The following MAGI1 variants were observed in gnomAD, a reference collection of about 807,000 sequenced individuals.
MAGI1 encodes membrane associated guanylate kinase, WW and PDZ domain containing 1.
Under a neutral mutation model 139.9 loss-of-function variants are expected in MAGI1, and 58 were observed. The ratio of observed to expected loss-of-function variants is 0.41; its 90% CI spans 0.34 to 0.52. MAGI1 has a LOEUF of 0.52. Ranked by LOEUF, MAGI1 falls within the 20% of genes least tolerant of loss-of-function variation. The pLI, the probability that MAGI1 is intolerant of heterozygous loss-of-function variation, is 0.12. For synonymous variants in MAGI1, 812 were observed against 737.9 expected (o/e 1.10, Z -1.63); for missense variants, 1,874 against 1,901.6 (o/e 0.99, Z 0.27).
At chr3:65,367,328 G>A (rs1941527255) in intron 18 of MAGI1, among the ~76,000 whole-genome samples, 1 of 152,132 alleles carries the variant, frequency 6.6e-6, no homozygotes, top group African/African-American at 2.4e-5. Flanking sequence ...ATAATTTGAT[G>A]AGATAATCAC....
At chr3:65,606,373 C>G (rs1211097953) in intron 2 of MAGI1, among the ~76,000 whole-genome samples, 1 of 152,082 alleles carries the variant, frequency 6.6e-6, no homozygotes, top group African/African-American at 2.4e-5. Flanking sequence ...CAGGATCTTG[C>G]TCTGTCACCC....
rs1346624140 is a variant in MAGI1, at chr3:65,647,787, A to G, written c.314-25699T>C. On this transcript the variant is annotated intron_variant, in intron 1 of 22. Coordinates refer to ENST00000402939, the MANE Select transcript of MAGI1 (RefSeq NM_001033057.2). Reference sequence around the variant, plus strand: ...ATTAAAAAAGAAAAGAAAGAAAACTACAAATAGAGGTATCTTGCTGGTAAA... The same window carrying G: ...ATTAAAAAAGAAAAGAAAGAAAACTGCAAATAGAGGTATCTTGCTGGTAAA... 5.3e-5 allele frequency among the ~76,000 whole-genome samples: 8 copies of G among 152,334 alleles called. No homozygotes were observed. The East Asian group carries it at 1.4e-3, about 26-fold the overall frequency.
At chr3:65,649,250 T>G (rs1007226120) in intron 1 of MAGI1, among the ~76,000 whole-genome samples, 8 of 151,984 alleles carry the variant, frequency 5.3e-5, no homozygotes, top group African/African-American at 1.9e-4. Context: ...GGTGGAGTGG[T>G]GTGCACCTGT....
At chr3:65,842,396 T>C (rs975505922) in intron 1 of MAGI1, among the ~76,000 whole-genome samples, 1 of 151,736 alleles carries the variant, frequency 6.6e-6, no homozygotes, top group Non-Finnish European at 1.5e-5. Context: ...GTTTCGCTCT[T>C]GTTGCCCAGG....
intron 1 of MAGI1, among the ~76,000 whole-genome samples, chr3:65,801,739 T>A (rs1287936609): frequency 2.0e-5 from 3 of 152,176 alleles, no homozygotes; most frequent in Non-Finnish European, 4.4e-5. Flanking sequence ...ATCTGTTGGG[T>A]AAGAAAATGC....
chr3:65,731,571 C>T (rs2034196323), intron 1 of MAGI1, among the ~76,000 whole-genome samples: 1 of 150,862 alleles, frequency 6.6e-6, no homozygotes, highest in Non-Finnish European at 1.5e-5. Flanking sequence ...GGGAGATTCA[C>T]TTGAGCCTGG....
intron 1 of MAGI1, among the ~76,000 whole-genome samples, chr3:65,944,957 T>C (rs915034562): frequency 1.3e-5 from 2 of 152,202 alleles, no homozygotes; most frequent in Admixed American, 6.5e-5. Flanking sequence ...GGATATCCAT[T>C]ACATAATATT....
intron 1 of MAGI1, among the ~76,000 whole-genome samples, chr3:65,981,898 T>C (rs1411198276): frequency 6.6e-6 from 1 of 152,216 alleles, no homozygotes; most frequent in African/African-American, 2.4e-5. Flanking sequence ...GTCTCAGGTA[T>C]GTCCTTATTG....
intron 1 of MAGI1, among the ~76,000 whole-genome samples, chr3:65,635,086 T>A (rs79470967): frequency 1.3e-5 from 2 of 151,654 alleles, no homozygotes; most frequent in East Asian, 1.9e-4. Context: ...TAAAATAAAA[T>A]ATATATATAT....
intron 1 of MAGI1, among the ~76,000 whole-genome samples, chr3:65,793,998 C>T (rs1327454959): frequency 6.6e-6 from 1 of 152,180 alleles, no homozygotes; most frequent in African/African-American, 2.4e-5. Context: ...AAACCCACTG[C>T]CTTCCTTTTT....
At chr3:65,899,812 C>T (rs978557034) in intron 1 of MAGI1, among the ~76,000 whole-genome samples, 14 of 152,140 alleles carry the variant, frequency 9.2e-5, no homozygotes, top group African/African-American at 4.8e-5. Flanking sequence ...AAAGTTAAAA[C>T]TGGATTAAGG....
chr3:65,848,202 TGAACATGGG>T (rs1204828718), intron 1 of MAGI1, among the ~76,000 whole-genome samples: 2 of 152,188 alleles, frequency 1.3e-5, no homozygotes, highest in Non-Finnish European at 1.5e-5. Context: ...GGAAGAATGG[TGAACATGGG>T]GAACTGCATG....
intron 1 of MAGI1, among the ~76,000 whole-genome samples, chr3:65,625,518 A>G (rs1272009837): frequency 6.6e-6 from 1 of 152,198 alleles, no homozygotes. Flanking sequence ...GCTTTCCTCA[A>G]CTGTAAAAAT....
At chr3:65,489,665 G>GAAACTGTATGCGGTA (rs2107654238) in intron 3 of MAGI1, among the ~76,000 whole-genome samples, 1 of 152,262 alleles carries the variant, frequency 6.6e-6, no homozygotes, top group East Asian at 1.9e-4. Context: ...AGAATGAGGT[G>GAAACTGTATGCGGTA]AAACTGTATG....
chr3:65,610,886 G>C (rs1484482122), intron 2 of MAGI1, among the ~76,000 whole-genome samples: 1 of 139,390 alleles, frequency 7.2e-6, no homozygotes, highest in Non-Finnish European at 1.5e-5. Context: ...TAGTAATATA[G>C]TAGATAGTAT....
chr3:65,355,129 A>G lies in MAGI1; in HGVS notation c.*1249T>C, dbSNP rs1940145325. On this transcript the variant is annotated 3_prime_UTR_variant, in exon 23 of 23. Coordinates refer to ENST00000402939, the MANE Select transcript of MAGI1 (RefSeq NM_001033057.2). Reference sequence around the variant, plus strand: ...CCGACCCAACCACAGCTCCTGTGGGATCAAAAAGAATGGGTCTGTTTAAAA... The same window carrying G: ...CCGACCCAACCACAGCTCCTGTGGGGTCAAAAAGAATGGGTCTGTTTAAAA... 1 of 152,582 alleles carries G rather than the reference A, an allele frequency of 6.6e-6. No homozygotes were observed. Among genetic ancestry groups the G allele is most frequent in the South Asian group, 2.1e-4 (1 of 4,832 alleles). The allele number at this position is 152,582 out of a possible 1,614,324, so 9.5% of individuals were successfully genotyped here.
intron 1 of MAGI1, among the ~76,000 whole-genome samples, chr3:65,702,502 T>C (rs1444168241): frequency 1.3e-5 from 2 of 152,176 alleles, no homozygotes; most frequent in Non-Finnish European, 2.9e-5. Flanking sequence ...GGCCAGAAGC[T>C]ATTAACTAGT....
At chr3:65,937,290 C>T (rs2063111248) in intron 1 of MAGI1, among the ~76,000 whole-genome samples, 1 of 152,144 alleles carries the variant, frequency 6.6e-6, no homozygotes, top group South Asian at 2.1e-4. Context: ...TCAGCCAGCC[C>T]CACCCTGACA....
intron 1 of MAGI1, among the ~76,000 whole-genome samples, chr3:66,016,342 T>C (rs2067635871): frequency 1.3e-5 from 2 of 152,162 alleles, no homozygotes; most frequent in Non-Finnish European, 1.5e-5. Context: ...CAAGGCCACA[T>C]AGCAAGGAAG....
Sources: gnomAD v4.1 joint callset for allele counts (sites outside exome capture counted in the v4.1 genomes callset) on GRCh38, gnomAD v4.1.1 for gene constraint, MANE v1.5 for transcripts, NCBI Gene and HGNC (gene_info 2026-07-23, HGNC 2026-07-21) for gene names.